Variants in TBC1D22A observed in about 807,000 individuals in gnomAD.
TBC1D22A encodes the protein TBC1 domain family member 22A.
In TBC1D22A, 38 loss-of-function variants were observed where a neutral mutation model predicts 60.2. The observed-to-expected ratio is 0.63, with a 90% CI of 0.49 to 0.83. The LOEUF is 0.83. Among genes scored for constraint, TBC1D22A ranks in the 40% least tolerant of loss-of-function variants. The pLI is 0.00. For synonymous variants in TBC1D22A, 302 were observed against 281.7 expected, an observed-to-expected ratio of 1.07 and a Z score of -0.72; for missense variants, 628 against 701.0, an observed-to-expected ratio of 0.90 and a Z score of 1.18.
rs187686060 is a variant in TBC1D22A at position 46,940,565 on chromosome 22, C to G, written c.1015+28377C>G. On this transcript the variant is annotated intron_variant, in intron 8 of 12. Coordinates refer to ENST00000337137, the MANE Select transcript of TBC1D22A (RefSeq NM_014346.5). ...ATATATATGTATGTGTATGTATACA[C>G]ACACACACACATGCACACACACAGT... Among the ~76,000 whole-genome samples the G allele has an allele frequency of 3.1e-3, 461 of 146,842 alleles. 1 individual carries two copies. Among genetic ancestry groups the G allele is most frequent in the Non-Finnish European group, 5.2e-3 (347 of 66,886 alleles).
intron 1 of TBC1D22A, among the ~76,000 whole-genome samples, chr22:46,774,756 C>T (rs1159938520): frequency 2.0e-5 from 3 of 152,176 alleles, no homozygotes; most frequent in South Asian, 2.1e-4. Flanking sequence ...TATTTCTGGG[C>T]CCCCGACTGC....
intron 12 of TBC1D22A, among the ~76,000 whole-genome samples, chr22:47,123,849 G>A (rs145474905): frequency 3.3e-5 from 5 of 152,310 alleles, no homozygotes; most frequent in East Asian, 1.9e-4. Flanking sequence ...AGGGTCATGC[G>A]TGCTGTGAGA....
At chr22:46,807,850 C>A (rs1014194520) in intron 4 of TBC1D22A, among the ~76,000 whole-genome samples, 11 of 152,192 alleles carry the variant, frequency 7.2e-5, no homozygotes, top group African/African-American at 2.7e-4. Context: ...TACTTGTAAT[C>A]CCAGCAGTTG....
At chr22:46,921,580 A>C (rs2070760123) in intron 8 of TBC1D22A, among the ~76,000 whole-genome samples, 1 of 152,142 alleles carries the variant, frequency 6.6e-6, no homozygotes, top group African/African-American at 2.4e-5. Context: ...TGGTACAGTG[A>C]TTGATATTCC....
At chr22:46,939,851 A>G (rs1201348196) in intron 8 of TBC1D22A, among the ~76,000 whole-genome samples, 1 of 152,220 alleles carries the variant, frequency 6.6e-6, no homozygotes, top group African/African-American at 2.4e-5. Flanking sequence ...AAGCAGTGAC[A>G]AGAGGGGACC....
In TBC1D22A at chr22:46,829,355, G is replaced by A. The variant is rs573165662; in HGVS notation, c.637+31735G>A. Among the ~76,000 whole-genome samples the A allele has an allele frequency of 6.6e-5, 10 of 152,316 alleles. No homozygotes were observed. In the South Asian group the frequency reaches 1.5e-3, roughly 22 times the overall value. On this transcript the variant is annotated intron_variant, in intron 4 of 12. Transcript: ENST00000337137. ...GTAATGTTTGGGATGTCTTGAAAAT[G>A]TATGTTGTGGAACTCACCCCCTTCA... is the stretch of plus-strand genomic sequence containing the variant.
chr22:47,070,438 AC>A (rs2063940318), intron 11 of TBC1D22A, among the ~76,000 whole-genome samples: 6 of 109,614 alleles, frequency 5.5e-5, no homozygotes, highest in African/African-American at 8.4e-5. Context: ...GTTTGGTTGG[AC>A]GCTGTCCCCT....
intron 5 of TBC1D22A, among the ~76,000 whole-genome samples, chr22:46,881,032 G>A (rs2067824155): frequency 6.6e-6 from 1 of 152,054 alleles, no homozygotes; most frequent in Admixed American, 6.5e-5. Context: ...GGGAAGTGGG[G>A]AGGCCATGAG....
At chr22:47,022,112 A>C (rs974866273) in intron 10 of TBC1D22A, among the ~76,000 whole-genome samples, 1 of 152,178 alleles carries the variant, frequency 6.6e-6, no homozygotes, top group Non-Finnish European at 1.5e-5. Context: ...TGAGCACCAA[A>C]TGTTGGACAT....
chr22:47,044,670 C>T (rs1323363362), intron 11 of TBC1D22A, among the ~76,000 whole-genome samples: 1 of 152,162 alleles, frequency 6.6e-6, no homozygotes, highest in African/African-American at 2.4e-5. Context: ...AGATCACTGT[C>T]AGCTGGGGAG....
rs2072120411 is a variant in TBC1D22A at position 46,941,671 on chromosome 22, A to ATATACGGAATG, written c.1015+29487_1015+29488insCGGAATGTATA. Among the ~76,000 whole-genome samples the ATATACGGAATG allele has an allele frequency of 2.0e-5, 3 of 147,104 alleles. 1 individual carries two copies. Among genetic ancestry groups the ATATACGGAATG allele is most frequent in the Admixed American group, 6.9e-5 (1 of 14,462 alleles). On this transcript the variant is annotated intron_variant, in intron 8 of 12. Coordinates refer to ENST00000337137, the MANE Select transcript of TBC1D22A (RefSeq NM_014346.5). ...TATACGGAATATATATACGCGGAATATATATACGGAATATATATACGCGGA... is the reference window on the plus strand; with the variant it reads ...TATACGGAATATATATACGCGGAATATATACGGAATGTATATACGGAATATATATACGCGGA...
In TBC1D22A at chr22:46,974,362, C is replaced by G. The variant is rs775181541; in HGVS notation, c.1088C>G (p.Thr363Ser). 10 of 1,611,454 alleles carry G rather than the reference C, an allele frequency of 6.2e-6. No individual in the cohort carries two copies. Among genetic ancestry groups the G allele is most frequent in the Non-Finnish European group, 8.5e-6 (10 of 1,179,076 alleles). The stretch of plus-strand genomic sequence containing the variant: ...GTGCTGTGCAACATCGAGGCCGACA[C>G]CTACTGGTGCATGAGCAAGCTGCTG... ...AEVLCNIEAD[T>S]YWCMSKLLDG... is the part of the protein sequence containing the mutation. Residue 363 changes from threonine (T) to serine (S), a missense_variant, in exon 9 of 13, where the codon ACC becomes AGC. Thr to Ser is a moderately conservative substitution (Grantham distance 58). Coordinates refer to ENST00000337137, the MANE Select transcript of TBC1D22A (RefSeq NM_014346.5).
At chr22:46,891,426 C>T in intron 6 of TBC1D22A, 32 bp downstream of exon 6, 1 of 1,577,794 alleles carries the variant, frequency 6.3e-7, no homozygotes, top group Non-Finnish European at 8.6e-7. Flanking sequence ...CGTATGTTGC[C>T]TGATGTACTT....
At chr22:47,047,286 G>A (rs1331902618) in intron 11 of TBC1D22A, among the ~76,000 whole-genome samples, 3 of 152,236 alleles carry the variant, frequency 2.0e-5, no homozygotes, top group African/African-American at 7.2e-5. Context: ...AATACACATA[G>A]CCTATTAATG....
At chr22:46,778,937 A>T (rs566634866) in intron 1 of TBC1D22A, among the ~76,000 whole-genome samples, 3 of 152,138 alleles carry the variant, frequency 2.0e-5, no homozygotes, top group Non-Finnish European at 4.4e-5. Context: ...CCAGATACCC[A>T]GGAGTCTGAG....
At chr22:46,874,911 T>C (rs117487316) in intron 4 of TBC1D22A, among the ~76,000 whole-genome samples, 5,022 of 152,270 alleles carry the variant, frequency 0.033, 127 homozygotes, top group Non-Finnish European at 0.051. Flanking sequence ...TGCCCCCTGT[T>C]TAATGGGGTT....
At chr22:47,000,611 G>A (rs114880434) in intron 10 of TBC1D22A, among the ~76,000 whole-genome samples, 2,688 of 152,276 alleles carry the variant, frequency 0.018, 66 homozygotes, top group African/African-American at 0.053. Context: ...CAAGCCCGCA[G>A]ATGGGGAACT....
chr22:46,845,556 T>A (rs2086953164), intron 4 of TBC1D22A, among the ~76,000 whole-genome samples: 1 of 152,234 alleles, frequency 6.6e-6, no homozygotes, highest in Admixed American at 6.5e-5. Flanking sequence ...TGGAAAGAAT[T>A]TTCTAGCTCT....
Position 47,045,818 on chromosome 22 carries a change from G to T in TBC1D22A, c.1329+8620G>T, listed in dbSNP as rs935835254. ...GCTGTTCACCCAGGAAGCTGCTGCTGTACGGATTGGTGTGGGGCTTGGTTT... is the reference window on the plus strand; with the variant it reads ...GCTGTTCACCCAGGAAGCTGCTGCTTTACGGATTGGTGTGGGGCTTGGTTT... On this transcript the variant is annotated intron_variant, in intron 11 of 12. Coordinates refer to ENST00000337137, the MANE Select transcript of TBC1D22A (RefSeq NM_014346.5). Among the ~76,000 whole-genome samples, 3 of 152,174 alleles carry T rather than the reference G, an allele frequency of 2.0e-5. No individual in the cohort carries two copies. The East Asian group carries it at 5.8e-4, about 29-fold the overall frequency.
Sources: gnomAD v4.1 joint callset for allele counts (sites outside exome capture counted in the v4.1 genomes callset) on GRCh38, gnomAD v4.1.1 for gene constraint, MANE v1.5 for transcripts, NCBI Gene and HGNC (gene_info 2026-07-23, HGNC 2026-07-21) for gene names.